Variants in CAMSAP3 observed in about 807,000 individuals in gnomAD.
CAMSAP3 encodes calmodulin regulated spectrin associated protein family member 3.
A neutral mutation model predicts 112.5 loss-of-function variants in CAMSAP3; 34 were observed. The ratio of observed to expected loss-of-function variants is 0.30; its 90% CI spans 0.23 to 0.40. The LOEUF (loss-of-function observed/expected upper bound fraction) is 0.40. CAMSAP3 is among the 10% of genes least tolerant of loss of function. The pLI is 1.00. For synonymous variants in CAMSAP3, 868 were observed against 799.8 expected, an observed-to-expected ratio of 1.09 and a Z score of -1.44; for missense variants, 1,602 against 1,770.3, an observed-to-expected ratio of 0.90 and a Z score of 1.71.
At position 7,615,250 on chromosome 19, in the gene CAMSAP3, G is replaced by T. The variant is rs377310461; in HGVS notation, c.2738G>T (p.Arg913Leu). ...AGCCTGCTGGAGCGGCAGCAGCGGC[G>T]AGCAGAGGAGGCGCGGCGGCGCAAG... ...RASLLERQQR[R>L]AEEARRRKQW... The change falls in exon 12 of 17, where the codon CGA (arginine) becomes CTA (leucine). Residue 913 changes from arginine to leucine, a missense_variant. By Grantham distance (102) the Arg-to-Leu change is moderately radical (BLOSUM62 -2). Transcript: ENST00000160298. The surrounding 1 kb of genome is among the most constrained non-coding windows in gnomAD (Gnocchi z 6.5). The T allele has an allele frequency of 6.4e-7, 1 of 1,551,242 alleles. No homozygotes were observed. The highest frequency in any genetic ancestry group is 8.7e-7 in the Non-Finnish European group (1 of 1,147,532).
At chr19:7,609,960 G>T (rs562869606) in intron 5 of CAMSAP3, among the ~76,000 whole-genome samples, 11 of 152,108 alleles carry the variant, frequency 7.2e-5, no homozygotes, top group Non-Finnish European at 1.6e-4. Context: ...CCTGCTGTAC[G>T]GTTCAGTTCC....
At position 7,615,686 on chromosome 19, in the gene CAMSAP3, G is replaced by T; in HGVS notation, c.3079G>T (p.Ala1027Ser). The T allele has an allele frequency of 3.5e-6, 5 of 1,417,996 alleles. No homozygotes were observed. The highest frequency in any genetic ancestry group is 4.6e-6 in the Non-Finnish European group (5 of 1,091,850). 87.8% of individuals were successfully genotyped at this position (1,417,996 alleles called of 1,614,324 possible). A position where few individuals can be genotyped will look rare whatever the true frequency, so the allele number is the denominator to read the frequency against. ...RPRSGCCDDS[A>S]LARSPARGLL... ...TCGCTCGGGTTGCTGTGACGACTCA[G>T]CCCTGGCACGAAGCCCAGCCCGCGG... Residue 1027 changes from alanine (A) to serine (S), a missense_variant, in exon 13 of 17, where the codon GCC becomes TCC. This residue lies in a region of CAMSAP3 where 1,100 missense variants were observed against 1,135.7 expected (regional missense o/e 0.97). Transcript: ENST00000160298. This position sits in a 1 kb window ranked among gnomAD's most constrained non-coding sequence, Gnocchi z 6.5.
chr19:7,605,147 G>GGTGTGTGT (rs56244737), intron 1 of CAMSAP3, 79 bp from the exon 2 acceptor site: 10,508 of 623,756 alleles, frequency 0.017, 109 homozygotes, highest in African/African-American at 0.056. Flanking sequence ...CGGGCCATGT[G>GGTGTGTGT]GTGTGTGTGT....
chr19:7,611,505 C>T lies in CAMSAP3; in HGVS notation c.1124-12C>T, dbSNP rs752429182. On this transcript the variant is annotated splice_polypyrimidine_tract_variant and intron_variant, in intron 9 of 16. Transcript: ENST00000160298. This position sits in a 1 kb window ranked among gnomAD's most constrained non-coding sequence, Gnocchi z 6.9. ...CAGGGTCCCCATAGTGACCACTCAT[C>T]GCCTCCCCCAGGCTCCCTGAAGTCT... The T allele has an allele frequency of 5.6e-6, 9 of 1,602,398 alleles. No individual in the cohort carries two copies. Among genetic ancestry groups the T allele is most frequent in the African/African-American group, 4.0e-5 (3 of 74,616 alleles).
chr19:7,604,850 A>G (rs1270845395), intron 1 of CAMSAP3, among the ~76,000 whole-genome samples: 1 of 152,102 alleles, frequency 6.6e-6, no homozygotes, highest in Non-Finnish European at 1.5e-5. Context: ...CAAGAGCAGG[A>G]AGGCTCTTAG....
chr19:7,613,787 T>C (rs1170798152), intron 11 of CAMSAP3, among the ~76,000 whole-genome samples: 2 of 152,060 alleles, frequency 1.3e-5, no homozygotes, highest in African/African-American at 4.8e-5. Context: ...AGCACGCTCC[T>C]ACCACCCCTT....
chr19:7,605,099 C>T, intron 1 of CAMSAP3, 127 bp from the exon 2 acceptor site: 1 of 660,956 alleles, frequency 1.5e-6, no homozygotes, highest in East Asian at 3.0e-5. Flanking sequence ...TTCTCCTTTC[C>T]CAATGCCATC....
At chr19:7,601,915 G>A (rs1224762204) in intron 1 of CAMSAP3, among the ~76,000 whole-genome samples, 5 of 150,816 alleles carry the variant, frequency 3.3e-5, no homozygotes, top group Non-Finnish European at 7.4e-5. Flanking sequence ...AATACAAAAA[G>A]TAGCCGGGCA....
intron 14 of CAMSAP3, 91 bp downstream of exon 14, chr19:7,616,713 G>A (rs1029791050): frequency 3.8e-5 from 34 of 895,536 alleles, no homozygotes; most frequent in Admixed American, 3.1e-4. Flanking sequence ...CCTAGAGGGC[G>A]GTATGGCTCG....
chr19:7,612,621 T>C lies in CAMSAP3; in HGVS notation c.2128T>C (p.Leu710=), dbSNP rs745391728. The C allele has an allele frequency of 5.9e-6, 9 of 1,525,896 alleles. No individual in the cohort carries two copies. Among genetic ancestry groups the C allele is most frequent in the Non-Finnish European group, 5.3e-6 (6 of 1,139,250 alleles). The allele number at this position is 1,525,896 out of a possible 1,614,324, so 94.5% of individuals were successfully genotyped here. The change falls in exon 11 of 17, where the codon TTG becomes CTG. Residue 710 remains leucine, a synonymous_variant. Coordinates refer to ENST00000160298, the MANE Select transcript of CAMSAP3 (RefSeq NM_020902.2). The part of the protein sequence containing the change: ...NRAVSKLSAA[L]SSLQRDMQRL... ...AGCGGTCAGCAAGCTGAGTGCCGCC[T>C]TGAGCTCGCTGCAGCGGGACATGCA...
chr19:7,611,424 C>A lies in CAMSAP3; in HGVS notation c.1124-93C>A. The A allele has an allele frequency of 8.0e-7, 1 of 1,243,682 alleles. No individual in the cohort carries two copies. The highest frequency in any genetic ancestry group is 1.1e-6 in the Non-Finnish European group (1 of 891,620). 77.0% of individuals were successfully genotyped at this position (1,243,682 alleles called of 1,614,324 possible). On this transcript the variant is annotated intron_variant, in intron 9 of 16. Coordinates refer to ENST00000160298, the MANE Select transcript of CAMSAP3 (RefSeq NM_020902.2). This position sits in a 1 kb window ranked among gnomAD's most constrained non-coding sequence, Gnocchi z 6.9. ...CACATAATGAGCCATCAGTGACTCA[C>A]CCAATGACCTTGCAGAGGTTGTCCC... is the stretch of plus-strand genomic sequence containing the variant.
In CAMSAP3 at chr19:7,612,725, C is replaced by G. The variant is rs368313481; in HGVS notation, c.2232C>G (p.Val744=). 6.5e-7 allele frequency: 1 copy of G among 1,530,184 alleles called. No individual in the cohort carries two copies. The highest frequency in any genetic ancestry group is 2.0e-5 in the Admixed American group (1 of 50,444). 94.8% of individuals were successfully genotyped at this position (1,530,184 alleles called of 1,614,324 possible). ...CCGCCCCACCACCTGCTGCGTGGGT[C>G]ATCCCTGGCCCCACGACGGGGCCCA... ...PGSAPPPAAW[V]IPGPTTGPKA... is the part of the protein sequence containing the mutation. Residue 744 remains valine, a synonymous_variant, in exon 11 of 17, where the codon GTC becomes GTG. Coordinates refer to ENST00000160298, the MANE Select transcript of CAMSAP3 (RefSeq NM_020902.2).
At position 7,617,430 on chromosome 19, in the gene CAMSAP3, A is replaced by C; in HGVS notation, c.3317A>C (p.Glu1106Ala). ...GCCTCCTCCCCAGCGTCAGTGCCCG[A>C]GTACACAGGTAAGCAGGGGCTCTGG... ...SNASSPASVP[E>A]YTGPRLYKEP... Residue 1106 changes from glutamate (E) to alanine (A), a missense_variant, in exon 15 of 17, where the codon GAG (glutamate) becomes GCG (alanine). By Grantham distance (107) the Glu-to-Ala change is moderately radical. This residue lies in a region of CAMSAP3 where 150 missense variants were observed against 207.6 expected (regional missense o/e 0.72). Transcript: ENST00000160298. This position sits in a 1 kb window ranked among gnomAD's most constrained non-coding sequence, Gnocchi z 7.5. The C allele has an allele frequency of 1.9e-6, 3 of 1,613,866 alleles. No homozygotes were observed. In the South Asian group the frequency reaches 3.3e-5, roughly 18 times the overall value.
At position 7,615,419 on chromosome 19, in the gene CAMSAP3, C is replaced by T. The variant is rs182143464; in HGVS notation, c.2812C>T (p.Leu938=). Residue 938 remains leucine (L), a splice_region_variant and synonymous_variant, in exon 13 of 17, where the codon CTG becomes TTG. Transcript: ENST00000160298. The surrounding 1 kb of genome is among the most constrained non-coding windows in gnomAD (Gnocchi z 6.5). ...KEQRREEAAR[L]AQEEAPGPAP... is the part of the protein sequence containing the mutation. ...ATGCCGATTCCCTGTGATCTGCAGGCTGGCCCAAGAGGAGGCCCCGGGCCC... is the reference window on the plus strand; with the variant it reads ...ATGCCGATTCCCTGTGATCTGCAGGTTGGCCCAAGAGGAGGCCCCGGGCCC... The T allele has an allele frequency of 7.1e-6, 11 of 1,540,374 alleles. No homozygotes were observed. Among genetic ancestry groups the T allele is most frequent in the Non-Finnish European group, 9.6e-6 (11 of 1,145,506 alleles).
At position 7,605,431 on chromosome 19, in the gene CAMSAP3, C is replaced by G. The variant is rs751458170; in HGVS notation, c.354C>G (p.Pro118=). Residue 118 remains proline, a synonymous_variant, in exon 2 of 17, where the codon CCC becomes CCG. Coordinates refer to ENST00000160298, the MANE Select transcript of CAMSAP3 (RefSeq NM_020902.2). ...LARRGTVPAL[P]ERPVREADLR... is the part of the protein sequence containing the mutation. The stretch of plus-strand genomic sequence containing the variant: ...GGAGGGGCACAGTGCCTGCTTTGCC[C>G]GAGCGCCCGGTGCGCGAGGCCGACC... 1 of 1,460,742 alleles carries G rather than the reference C, an allele frequency of 6.8e-7. No individual in the cohort carries two copies. Among genetic ancestry groups the G allele is most frequent in the East Asian group, 2.7e-5 (1 of 37,592 alleles). 90.5% of individuals were successfully genotyped at this position (1,460,742 alleles called of 1,614,324 possible). A position where few individuals can be genotyped will look rare whatever the true frequency, so the allele number is the denominator to read the frequency against.
chr19:7,615,829 G>GGGCTCACTGGGT lies in CAMSAP3; in HGVS notation c.3112+111_3112+112insGCTCACTGGGTG. 3.0e-6 allele frequency: 2 copies of GGGCTCACTGGGT among 674,682 alleles called. No individual in the cohort carries two copies. Among genetic ancestry groups the GGGCTCACTGGGT allele is most frequent in the Non-Finnish European group, 4.2e-6 (2 of 480,838 alleles). 41.8% of individuals were successfully genotyped at this position (674,682 alleles called of 1,614,324 possible). On this transcript the variant is annotated intron_variant, in intron 13 of 16. Coordinates refer to ENST00000160298, the MANE Select transcript of CAMSAP3 (RefSeq NM_020902.2). The surrounding 1 kb of genome is among the most constrained non-coding windows in gnomAD (Gnocchi z 6.5). ...GAGGGAGATGTAAGCAGGGGTGCCG[G>GGGCTCACTGGGT]GAGGGGGCGGGTATGTGGGGTGACA...
rs1183080966 is a variant in CAMSAP3, at chr19:7,605,410, G to A, written c.333G>A (p.Arg111=). 3 of 1,512,256 alleles carry A rather than the reference G, an allele frequency of 2.0e-6. No homozygotes were observed. Among genetic ancestry groups the A allele is most frequent in the Non-Finnish European group, 2.7e-6 (3 of 1,125,794 alleles). The allele number at this position is 1,512,256 out of a possible 1,614,324, so 93.7% of individuals were successfully genotyped here. ...CACTGCTGGCCCTGCTGGCGCGGAG[G>A]GGCACAGTGCCTGCTTTGCCCGAGC... ...PSALLALLAR[R]GTVPALPERP... is the part of the protein sequence containing the mutation. Residue 111 remains arginine, a synonymous_variant, in exon 2 of 17, where the codon AGG becomes AGA. Transcript: ENST00000160298.
intron 1 of CAMSAP3, among the ~76,000 whole-genome samples, chr19:7,599,738 C>A (rs1355778305): frequency 8.9e-6 from 1 of 112,430 alleles, no homozygotes; most frequent in East Asian, 2.9e-4. Context: ...ACCCACCCCA[C>A]TCATCCATCC....
rs760158702 is a variant in CAMSAP3 at position 7,605,283 on chromosome 19, A to C, written c.206A>C (p.His69Pro). 1 of 1,610,956 alleles carries C rather than the reference A, an allele frequency of 6.2e-7. No individual in the cohort carries two copies. The highest frequency in any genetic ancestry group is 1.3e-5 in the African/African-American group (1 of 74,628). ...PFYTDQYAQE[H>P]VKPPVTRLLL... ...TATACCGACCAGTACGCGCAGGAGC[A>C]TGTGAAGCCCCCGGTGACACGGCTG... is the stretch of plus-strand genomic sequence containing the variant. The change falls in exon 2 of 17, where the codon CAT (histidine) becomes CCT (proline). Residue 69 changes from histidine (H) to proline (P), a missense_variant. By Grantham distance (77) the His-to-Pro change is moderately conservative (BLOSUM62 -2). Transcript: ENST00000160298.
Sources: allele counts gnomAD v4.1 joint callset (sites outside exome capture counted in the v4.1 genomes callset), GRCh38; gene constraint gnomAD v4.1.1; regional missense constraint gnomAD v4.1.1; non-coding constraint Gnocchi (gnomAD v3.1); transcripts MANE v1.5; gene names NCBI Gene and HGNC (gene_info 2026-07-23, HGNC 2026-07-21).